GID4: variants seen among roughly 807,000 people sequenced by gnomAD.
GID4 encodes the protein glucose-induced degradation protein 4 homolog.
GID4 carries 7 observed loss-of-function variants against 32.4 expected under a neutral mutation model. The observed-to-expected ratio is 0.22, with a 90% CI of 0.12 to 0.41. The LOEUF is 0.41. Ranked by LOEUF, GID4 falls within the 10% of genes least tolerant of loss-of-function variation. The pLI, the probability that GID4 is intolerant of heterozygous loss-of-function variation, is 1.00. For missense variants in GID4, 309 were observed against 400.0 expected (o/e 0.77, Z 1.94); for synonymous variants, 166 against 170.0 (o/e 0.98, Z 0.18).
intron 1 of GID4, among the ~76,000 whole-genome samples, chr17:18,042,531 G>A (rs1176365125): frequency 1.3e-5 from 2 of 152,154 alleles, no homozygotes; most frequent in African/African-American, 2.4e-5. Flanking sequence ...CCATTGAATG[G>A]ATATACAACA....
At chr17:18,059,493 A>G (rs1432538753) in intron 4 of GID4, among the ~76,000 whole-genome samples, 1 of 152,130 alleles carries the variant, frequency 6.6e-6, no homozygotes, top group Non-Finnish European at 1.5e-5. Flanking sequence ...AGGGACCGGG[A>G]ATGGAACACG....
rs1567582295 is a variant in GID4, at chr17:18,039,435, TTGTGTGTCTG to T, written c.-27_-18del. 3.0e-6 allele frequency: 4 copies of T among 1,348,718 alleles called. No homozygotes were observed. The South Asian group carries it at 5.0e-5, about 17-fold the overall frequency. 83.5% of individuals were successfully genotyped at this position (1,348,718 alleles called of 1,614,324 possible). ...GTGTGTGTCTGTGTGTGTTTGTGTG[TTGTGTGTCTG>T]TGAGTGTCTGTGTGTGTGTATGTGT... On this transcript the variant is annotated 5_prime_UTR_variant, in exon 1 of 6. Coordinates refer to ENST00000268719, the MANE Select transcript of GID4 (RefSeq NM_024052.5). This position sits in a 1 kb window ranked among gnomAD's most constrained non-coding sequence, Gnocchi z 5.3.
At chr17:18,056,442 C>A (rs1290677908) in intron 3 of GID4, among the ~76,000 whole-genome samples, 1 of 152,214 alleles carries the variant, frequency 6.6e-6, no homozygotes, top group Non-Finnish European at 1.5e-5. Context: ...TCTGCGCCCA[C>A]CCCTGCCCAG....
chr17:18,046,436 C>T (rs1032444880), intron 2 of GID4, among the ~76,000 whole-genome samples: 2 of 151,994 alleles, frequency 1.3e-5, no homozygotes, highest in Non-Finnish European at 2.9e-5. Flanking sequence ...AAGACCTTGT[C>T]GCTACAAATA....
Position 18,067,229 on chromosome 17 carries a change from AC to A in GID4, c.*1988del, listed in dbSNP as rs1401366827. The A allele has an allele frequency of 6.6e-6, 1 of 152,148 alleles. No individual in the cohort carries two copies. The highest frequency in any genetic ancestry group is 1.5e-5 in the Non-Finnish European group (1 of 68,120). 9.4% of individuals were successfully genotyped at this position (152,148 alleles called of 1,614,324 possible). On this transcript the variant is annotated 3_prime_UTR_variant, in exon 6 of 6. Transcript: ENST00000268719. ...TCCCCTCAACAGCATGCGAGCCCAT[AC>A]CTTCTGCATTTTTCCAGGCCTGTGA...
rs759157782 is a variant in GID4, at chr17:18,039,453, CTG to C, written c.-2_-1del. 7.2e-5 allele frequency: 99 copies of C among 1,378,912 alleles called. No homozygotes were observed. The highest frequency in any genetic ancestry group is 8.6e-5 in the South Asian group (5 of 58,056). The allele number at this position is 1,378,912 out of a possible 1,614,324, so 85.4% of individuals were successfully genotyped here. On this transcript the variant is annotated 5_prime_UTR_variant, in exon 1 of 6. Transcript: ENST00000268719. The surrounding 1 kb of genome is among the most constrained non-coding windows in gnomAD (Gnocchi z 5.3). ...TTGTGTGTTGTGTGTCTGTGAGTGT[CTG>C]TGTGTGTGTATGTGTGCGCGAGGGC...
chr17:18,058,820 G>T (rs1254494366), intron 3 of GID4, 48 bp from the exon 4 acceptor site: 1 of 1,178,438 alleles, frequency 8.5e-7, no homozygotes, highest in African/African-American at 1.5e-5. Flanking sequence ...TCTGAGAGCA[G>T]CCTCTCCTTC....
Position 18,065,521 on chromosome 17 carries a change from C to G in GID4, c.*278C>G, listed in dbSNP as rs1289972460. 2.3e-6 allele frequency: 1 copy of G among 439,730 alleles called. No homozygotes were observed. The highest frequency in any genetic ancestry group is 2.0e-5 in the African/African-American group (1 of 49,514). The allele number at this position is 439,730 out of a possible 1,614,324, so 27.2% of individuals were successfully genotyped here. On this transcript the variant is annotated 3_prime_UTR_variant, in exon 6 of 6. Coordinates refer to ENST00000268719, the MANE Select transcript of GID4 (RefSeq NM_024052.5). ...AAACGCACTTTTCCTTCCTGCACAG[C>G]TAACTTCTACATCACTGAAATGCCC... is the stretch of plus-strand genomic sequence containing the variant.
At position 18,039,606 on chromosome 17, in the gene GID4, G is replaced by T. The variant is rs1388287942; in HGVS notation, c.142G>T (p.Ala48Ser). Residue 48 changes from alanine (A) to serine (S), a missense_variant, in exon 1 of 6, where the codon GCG (alanine) becomes TCG (serine). Ala to Ser is a moderately conservative substitution (Grantham distance 99, BLOSUM62 1). Around this residue, in one of 2 missense-constraint regions of GID4, gnomAD observed 193 missense variants for 185.8 expected, o/e 1.04. Coordinates refer to ENST00000268719, the MANE Select transcript of GID4 (RefSeq NM_024052.5). This position sits in a 1 kb window ranked among gnomAD's most constrained non-coding sequence, Gnocchi z 5.3. The part of the protein sequence containing the change: ...AGGRPSRPHP[A>S]RARPGLSLPA... ...TGGTCGCCCCTCCCGCCCCCACCCC[G>T]CGCGTGCGCGCCCCGGCCTCTCCCT... is the stretch of plus-strand genomic sequence containing the variant. The T allele has an allele frequency of 2.6e-6, 1 of 380,720 alleles. No individual in the cohort carries two copies. The highest frequency in any genetic ancestry group is 3.3e-6 in the Non-Finnish European group (1 of 301,706). 23.6% of individuals were successfully genotyped at this position (380,720 alleles called of 1,614,324 possible).
chr17:18,054,259 G>T (rs759114092), intron 3 of GID4, 25 bp downstream of exon 3: 3 of 1,352,886 alleles, frequency 2.2e-6, no homozygotes, highest in Non-Finnish European at 2.1e-6. Flanking sequence ...TCTGTGCTGG[G>T]TCATCTAGGG....
At chr17:18,041,449 T>C (rs2044802442) in intron 1 of GID4, among the ~76,000 whole-genome samples, 1 of 152,218 alleles carries the variant, frequency 6.6e-6, no homozygotes. Flanking sequence ...ATGTTAATCA[T>C]ATCTTTGGGC....
intron 4 of GID4, among the ~76,000 whole-genome samples, chr17:18,060,647 G>T (rs1251477885): frequency 6.6e-6 from 1 of 151,278 alleles, no homozygotes; most frequent in African/African-American, 2.4e-5. Context: ...CCGTCTCCCA[G>T]GTTCAAGCAA....
Position 18,039,983 on chromosome 17 carries a change from C to CA in GID4, c.438+82dup. 1 of 1,269,154 alleles carries CA rather than the reference C, an allele frequency of 7.9e-7. No individual in the cohort carries two copies. Among genetic ancestry groups the CA allele is most frequent in the African/African-American group, 1.6e-5 (1 of 64,318 alleles). The allele number at this position is 1,269,154 out of a possible 1,614,324, so 78.6% of individuals were successfully genotyped here. On this transcript the variant is annotated intron_variant, in intron 1 of 5. Coordinates refer to ENST00000268719, the MANE Select transcript of GID4 (RefSeq NM_024052.5). This position sits in a 1 kb window ranked among gnomAD's most constrained non-coding sequence, Gnocchi z 5.3. ...TGCCCGCTTCGGCTCCTCGACCCCG[C>CA]AGCCGCGGAACAGGCCCTCGCCGCC... is the stretch of plus-strand genomic sequence containing the variant.
At chr17:18,043,491 A>C (rs2044822788) in intron 1 of GID4, among the ~76,000 whole-genome samples, 1 of 152,248 alleles carries the variant, frequency 6.6e-6, no homozygotes, top group Non-Finnish European at 1.5e-5. Context: ...GTGTCCTTTA[A>C]TAAAAGTTCT....
chr17:18,067,951 C>T lies in GID4; in HGVS notation c.*2708C>T, dbSNP rs2045082508. On this transcript the variant is annotated 3_prime_UTR_variant, in exon 6 of 6. Transcript: ENST00000268719. ...TTAGATAGTGTTTCAGCTGCTGTCC[C>T]AAAGTAACAAAACAATACCTACTGT... 1 of 152,574 alleles carries T rather than the reference C, an allele frequency of 6.6e-6. No individual in the cohort carries two copies. The highest frequency in any genetic ancestry group is 6.5e-5 in the Admixed American group (1 of 15,272). The allele number at this position is 152,574 out of a possible 1,614,324, so 9.5% of individuals were successfully genotyped here.
In GID4 at chr17:18,065,755, A is replaced by G. The variant is rs2045056483; in HGVS notation, c.*512A>G. On this transcript the variant is annotated 3_prime_UTR_variant, in exon 6 of 6. Transcript: ENST00000268719. ...GCCAGCTGCCGCATCATCGGCCACCAAGGGCACAAGAGGCGGAGGCTCCAG... is the reference window on the plus strand; with the variant it reads ...GCCAGCTGCCGCATCATCGGCCACCGAGGGCACAAGAGGCGGAGGCTCCAG... The G allele has an allele frequency of 5.2e-6, 1 of 190,806 alleles. No individual in the cohort carries two copies. Among genetic ancestry groups the G allele is most frequent in the Non-Finnish European group, 1.1e-5 (1 of 91,700 alleles). The allele number at this position is 190,806 out of a possible 1,614,324, so 11.8% of individuals were successfully genotyped here.
rs1221073290 is a variant in GID4, at chr17:18,067,504, A to G, written c.*2261A>G. ...AGGTGATACCTTTACTAGATCCTTC[A>G]GACACATCTATGAGAAGATTTGTTC... is the stretch of plus-strand genomic sequence containing the variant. On this transcript the variant is annotated 3_prime_UTR_variant, in exon 6 of 6. Transcript: ENST00000268719. 6.6e-6 allele frequency: 1 copy of G among 152,550 alleles called. No homozygotes were observed. Among genetic ancestry groups the G allele is most frequent in the Non-Finnish European group, 1.5e-5 (1 of 68,052 alleles). The allele number at this position is 152,550 out of a possible 1,614,324, so 9.4% of individuals were successfully genotyped here. A position where few individuals can be genotyped will look rare whatever the true frequency, so the allele number is the denominator to read the frequency against.
Position 18,066,734 on chromosome 17 carries a change from A to G in GID4, c.*1491A>G, listed in dbSNP as rs1184720054. ...TGAAGCCCTTCAGTGAGACGAGACG[A>G]GCAATGGGAAACCTTTTCTGTTCTT... On this transcript the variant is annotated 3_prime_UTR_variant, in exon 6 of 6. Coordinates refer to ENST00000268719, the MANE Select transcript of GID4 (RefSeq NM_024052.5). 5 of 152,162 alleles carry G rather than the reference A, an allele frequency of 3.3e-5. No homozygotes were observed. Among genetic ancestry groups the G allele is most frequent in the African/African-American group, 1.2e-4 (5 of 41,416 alleles). The allele number at this position is 152,162 out of a possible 1,614,324, so 9.4% of individuals were successfully genotyped here. A position where few individuals can be genotyped will look rare whatever the true frequency, so the allele number is the denominator to read the frequency against.
At position 18,068,148 on chromosome 17, in the gene GID4, T is replaced by C. The variant is rs894992527; in HGVS notation, c.*2905T>C. The C allele has an allele frequency of 6.6e-6, 1 of 152,648 alleles. No homozygotes were observed. Among genetic ancestry groups the C allele is most frequent in the Non-Finnish European group, 1.5e-5 (1 of 68,046 alleles). The allele number at this position is 152,648 out of a possible 1,614,324, so 9.5% of individuals were successfully genotyped here. A position where few individuals can be genotyped will look rare whatever the true frequency, so the allele number is the denominator to read the frequency against. On this transcript the variant is annotated 3_prime_UTR_variant, in exon 6 of 6. Transcript: ENST00000268719. ...CATAAAATAGTCTGATAAGCTAATT[T>C]TTAAAAAGAAATGCCATTAACTGTG...
Sources: allele counts gnomAD v4.1 joint callset (sites outside exome capture counted in the v4.1 genomes callset), GRCh38; gene constraint gnomAD v4.1.1; regional missense constraint gnomAD v4.1.1; non-coding constraint Gnocchi (gnomAD v3.1); transcripts MANE v1.5; gene names NCBI Gene and HGNC (gene_info 2026-07-23, HGNC 2026-07-21).